PTPRK: variants seen among roughly 807,000 people sequenced by gnomAD.
PTPRK encodes receptor-type tyrosine-protein phosphatase kappa.
A neutral mutation model predicts 178.0 loss-of-function variants in PTPRK; 75 were observed. The ratio of observed to expected loss-of-function variants is 0.42; its 90% CI spans 0.35 to 0.51. PTPRK has a LOEUF of 0.51. Ranked by LOEUF, PTPRK falls within the 20% of genes least tolerant of loss-of-function variation. The probability of loss-of-function intolerance (pLI) is 0.02; values close to 1 mark genes in which losing one functional copy is unlikely to be tolerated. For synonymous variants in PTPRK, 637 were observed against 620.6 expected, an observed-to-expected ratio of 1.03 and a Z score of -0.39; for missense variants, 1,441 against 1,797.8, an observed-to-expected ratio of 0.80 and a Z score of 3.59.
chr6:128,261,976 A>T (rs1186511515), intron 3 of PTPRK, among the ~76,000 whole-genome samples: 3 of 152,156 alleles, frequency 2.0e-5, no homozygotes, highest in Non-Finnish European at 4.4e-5. Context: ...AGCAAGAATG[A>T]CATGATTATG....
chr6:128,416,565 G>C (rs1482130450), intron 1 of PTPRK, among the ~76,000 whole-genome samples: 2 of 151,050 alleles, frequency 1.3e-5, no homozygotes, highest in South Asian at 2.1e-4. Context: ...GGAGAATGGC[G>C]TGAACCCGGG....
chr6:127,985,062 C>T (rs573916875), intron 22 of PTPRK, among the ~76,000 whole-genome samples: 10 of 152,112 alleles, frequency 6.6e-5, no homozygotes, highest in South Asian at 2.1e-4. Context: ...ATTTAGGAAA[C>T]GCTTTTCAGA....
At position 127,998,814 on chromosome 6, in the gene PTPRK, C is replaced by G; in HGVS notation, c.2585G>C (p.Gly862Ala). The change falls in exon 16 of 30, where the codon GGA becomes GCA. Residue 862 changes from glycine to alanine, a missense_variant. Gly to Ala is a moderately conservative substitution (Grantham distance 60). Around this residue, in one of 4 missense-constraint regions of PTPRK, gnomAD observed 945 missense variants for 1,080.6 expected, o/e 0.87. Coordinates refer to ENST00000368226, the MANE Select transcript of PTPRK (RefSeq NM_002844.4). Reference protein sequence around the residue: ...CEGTESPYQTGQLHPAIRVAD... With the variant: ...CEGTESPYQTAQLHPAIRVAD... ...TACCCTGATGGCTGGATGCAGCTGT[C>G]CTGTCTGGTAAGGGGATTCCGTCCC... is the stretch of plus-strand genomic sequence containing the variant. The G allele has an allele frequency of 6.2e-7, 1 of 1,610,590 alleles. No individual in the cohort carries two copies. Among genetic ancestry groups the G allele is most frequent in the Non-Finnish European group, 8.5e-7 (1 of 1,177,954 alleles).
intron 3 of PTPRK, among the ~76,000 whole-genome samples, chr6:128,308,184 A>C (rs1826717516): frequency 6.6e-6 from 1 of 152,126 alleles, no homozygotes; most frequent in Admixed American, 6.6e-5. Context: ...ACCATTTATA[A>C]AACATTTGTT....
chr6:128,517,722 T>C (rs1166474418), intron 1 of PTPRK, among the ~76,000 whole-genome samples: 1 of 152,242 alleles, frequency 6.6e-6, no homozygotes, highest in African/African-American at 2.4e-5. Flanking sequence ...CTTTCAAAAT[T>C]TGCTTTTGAA....
chr6:127,997,939 T>G, intron 16 of PTPRK, among the ~76,000 whole-genome samples: 1 of 152,136 alleles, frequency 6.6e-6, no homozygotes, highest in East Asian at 1.9e-4. Flanking sequence ...ATTCTTTCAC[T>G]TTAAATGTGT....
chr6:128,144,350 CTTG>C (rs1248376712), intron 7 of PTPRK, among the ~76,000 whole-genome samples: 3 of 152,208 alleles, frequency 2.0e-5, no homozygotes, highest in African/African-American at 4.8e-5. Context: ...TGCTTTAAAT[CTTG>C]TTGTATATTT....
At chr6:128,262,857 C>CAAAAAAAAAAAAA (rs747334195) in intron 3 of PTPRK, among the ~76,000 whole-genome samples, 4 of 75,108 alleles carry the variant, frequency 5.3e-5, no homozygotes, top group African/African-American at 1.0e-4. Context: ...AACCAATAAC[C>CAAAAAAAAAAAAA]AAAAAAAAAA....
At chr6:128,466,955 G>C (rs2128415961) in intron 1 of PTPRK, among the ~76,000 whole-genome samples, 1 of 152,188 alleles carries the variant, frequency 6.6e-6, no homozygotes, top group African/African-American at 2.4e-5. Flanking sequence ...TTATATTTTG[G>C]ACACGAGGAT....
At chr6:128,161,793 A>C (rs1253259214) in intron 7 of PTPRK, among the ~76,000 whole-genome samples, 1 of 151,564 alleles carries the variant, frequency 6.6e-6, no homozygotes, top group African/African-American at 2.4e-5. Flanking sequence ...ACCCTCATAA[A>C]CTTGGGTGTA....
At position 128,232,670 on chromosome 6, in the gene PTPRK, CACTT is replaced by C. The variant is rs376162114; in HGVS notation, c.693+7361_693+7364del. Among the ~76,000 whole-genome samples the C allele has an allele frequency of 2.6e-3, 396 of 152,276 alleles. 3 individuals are homozygous for C. Among genetic ancestry groups the C allele is most frequent in the African/African-American group, 9.0e-3 (372 of 41,560 alleles). ...TTACATTACAAGGTAGTAAATAAGT[CACTT>C]ACCTAATCTTCTACAAATCTCAAGA... On this transcript the variant is annotated intron_variant, in intron 5 of 29. Coordinates refer to ENST00000368226, the MANE Select transcript of PTPRK (RefSeq NM_002844.4).
intron 15 of PTPRK, chr6:128,000,231 T>C: frequency 8.7e-7 from 1 of 1,148,664 alleles, no homozygotes; most frequent in Non-Finnish European, 1.1e-6. Flanking sequence ...CAGATAAACA[T>C]ATTTCAAGTG....
chr6:128,425,047 C>T (rs1207166846), intron 1 of PTPRK, among the ~76,000 whole-genome samples: 3 of 150,344 alleles, frequency 2.0e-5, no homozygotes, highest in African/African-American at 4.9e-5. Context: ...CAGCCATCAC[C>T]TAAGCAGTGT....
At chr6:128,259,044 A>AG (rs1393396081) in intron 3 of PTPRK, among the ~76,000 whole-genome samples, 1 of 152,186 alleles carries the variant, frequency 6.6e-6, no homozygotes, top group African/African-American at 2.4e-5. Flanking sequence ...GAAGAGCCTC[A>AG]GAGAGGTAAT....
intron 6 of PTPRK, among the ~76,000 whole-genome samples, chr6:128,186,336 G>T (rs1802760932): frequency 6.6e-6 from 1 of 151,926 alleles, no homozygotes; most frequent in Non-Finnish European, 1.5e-5. Flanking sequence ...GCTCATTATG[G>T]CAGTAACTTT....
At chr6:128,463,512 G>A (rs994420361) in intron 1 of PTPRK, among the ~76,000 whole-genome samples, 4 of 151,956 alleles carry the variant, frequency 2.6e-5, no homozygotes, top group Non-Finnish European at 4.4e-5. Context: ...TCTATCCAAC[G>A]TTTACCAACC....
intron 5 of PTPRK, among the ~76,000 whole-genome samples, chr6:128,239,505 T>C (rs1379768670): frequency 6.6e-6 from 1 of 152,204 alleles, no homozygotes; most frequent in Non-Finnish European, 1.5e-5. Context: ...CATAATTAAA[T>C]ACAAATGTAT....
intron 3 of PTPRK, among the ~76,000 whole-genome samples, chr6:128,249,961 G>T (rs887284353): frequency 6.6e-6 from 1 of 152,176 alleles, no homozygotes; most frequent in Non-Finnish European, 1.5e-5. Flanking sequence ...GACCCAGTGA[G>T]AGGTAACTGA....
At chr6:128,330,868 AAAAAC>A (rs749964362) in intron 2 of PTPRK, among the ~76,000 whole-genome samples, 1 of 147,224 alleles carries the variant, frequency 6.8e-6, no homozygotes, top group African/African-American at 2.6e-5. Context: ...AAACAAAAAC[AAAAAC>A]AAAAACAAAA....
Sources: gnomAD v4.1 joint callset for allele counts (sites outside exome capture counted in the v4.1 genomes callset) on GRCh38, gnomAD v4.1.1 for gene constraint, gnomAD v4.1.1 regional missense constraint, MANE v1.5 for transcripts, NCBI Gene and HGNC (gene_info 2026-07-23, HGNC 2026-07-21) for gene names.